GEMIN8: variants seen among roughly 807,000 people sequenced by gnomAD.
GEMIN8 encodes the protein gem-associated protein 8.
For missense variants in GEMIN8, 185 were observed against 205.9 expected, an observed-to-expected ratio of 0.90 and a Z score of 0.62; for synonymous variants, 80 against 78.5, an observed-to-expected ratio of 1.02 and a Z score of -0.10.
In GEMIN8 at chrX:14,019,735, G is replaced by A. The variant is rs761651423; in HGVS notation, c.472+343C>T. 3.6e-5 allele frequency among the ~76,000 whole-genome samples: 4 copies of A among 111,615 alleles called. No homozygotes were observed. In the South Asian group the frequency reaches 1.5e-3, roughly 42 times the overall value. On this transcript the variant is annotated intron_variant, in intron 4 of 4. Coordinates refer to ENST00000680255, the MANE Select transcript of GEMIN8 (RefSeq NM_001042479.2). ...TTCACTTTCCTCATATATAAAATGA[G>A]TTTAATACTCTGAGGGACTGCTGTG...
At chrX:13,987,829 C>T in the GEMIN8 span, among the ~76,000 whole-genome samples, 1 of 111,871 alleles carries the variant, frequency 8.9e-6, no homozygotes, top group East Asian at 2.8e-4. Context: ...TGGAAGTAGA[C>T]AGGCTAATTC....
chrX:14,014,035 T>A, intron 4 of GEMIN8: 2 of 745,025 alleles, frequency 2.7e-6, no homozygotes, highest in Non-Finnish European at 3.2e-6. Context: ...AAAAAAAAAA[T>A]CATGGAAAGT....
At chrX:14,013,046 T>C (rs1923669798) in intron 4 of GEMIN8, among the ~76,000 whole-genome samples, 2 of 112,598 alleles carry the variant, frequency 1.8e-5, no homozygotes, top group African/African-American at 6.5e-5. Context: ...GTGAAAGTAC[T>C]TTAGCGTGTA....
the GEMIN8 span, among the ~76,000 whole-genome samples, chrX:13,994,133 C>T: frequency 8.9e-6 from 1 of 111,864 alleles, no homozygotes; most frequent in African/African-American, 3.3e-5. Flanking sequence ...ATGGCTGGGC[C>T]CCGATGACCA....
chrX:14,008,871 C>A lies in GEMIN8; in HGVS notation c.*42G>T. 1 of 1,167,430 alleles carries A rather than the reference C, an allele frequency of 8.6e-7. No homozygotes were observed. ...AGAAGGAGAGATAAAGAGCGTGTACCCAAAAGGAAGAAGGAGAGGCTGGGT... is the reference window on the plus strand; with the variant it reads ...AGAAGGAGAGATAAAGAGCGTGTACACAAAAGGAAGAAGGAGAGGCTGGGT... On this transcript the variant is annotated 3_prime_UTR_variant, in exon 5 of 5. Transcript: ENST00000680255.
the GEMIN8 span, among the ~76,000 whole-genome samples, chrX:13,988,240 C>T: frequency 9.0e-6 from 1 of 111,515 alleles, no homozygotes; most frequent in Non-Finnish European, 1.9e-5. Flanking sequence ...TACTTGCGCA[C>T]GTACAACTGC....
chrX:14,027,491 C>A (rs1168030093), intron 1 of GEMIN8, among the ~76,000 whole-genome samples: 1 of 112,806 alleles, frequency 8.9e-6, no homozygotes, highest in Non-Finnish European at 1.9e-5. Context: ...TCTATAATAG[C>A]TACAGTTAAA....
chrX:14,009,130 T>C lies in GEMIN8; in HGVS notation c.512A>G (p.Tyr171Cys). Residue 171 changes from tyrosine to cysteine, a missense_variant, in exon 5 of 5, where the codon TAT (tyrosine) becomes TGT (cysteine). Physicochemically the swap from Tyr to Cys is radical, Grantham distance 194. Transcript: ENST00000680255. ...GTACAGGTCGTGGTCAGCGTTCACA[T>C]AGCTGTCCAGGCGCTCTGCATCCAG... Reference protein sequence around the residue: ...QQLDAERLDSYVNADHDLYCN... With the variant: ...QQLDAERLDSCVNADHDLYCN... 1.7e-6 allele frequency: 2 copies of C among 1,210,196 alleles called. No homozygotes were observed. Among genetic ancestry groups the C allele is most frequent in the Non-Finnish European group, 2.2e-6 (2 of 893,817 alleles).
the GEMIN8 span, among the ~76,000 whole-genome samples, chrX:14,000,030 C>T: frequency 1.8e-5 from 2 of 111,321 alleles, no homozygotes; most frequent in African/African-American, 6.5e-5. Context: ...GAGAGTGAGG[C>T]ATGGTGGCTC....
chrX:14,002,362 GAT>G (rs1569341804), downstream of GEMIN8, among the ~76,000 whole-genome samples: 2 of 108,578 alleles, frequency 1.8e-5, no homozygotes, highest in African/African-American at 6.6e-5. Flanking sequence ...TAGATAGATA[GAT>G]AGATAGATAA....
Position 14,006,908 on chromosome X carries a change from G to A in GEMIN8, c.*2005C>T, listed in dbSNP as rs1197717194. Among the ~76,000 whole-genome samples, 5 of 111,487 alleles carry A rather than the reference G, an allele frequency of 4.5e-5. No homozygotes were observed. The highest frequency in any genetic ancestry group is 9.8e-5 in the African/African-American group (3 of 30,655). On this transcript the variant is annotated 3_prime_UTR_variant, in exon 5 of 5. Coordinates refer to ENST00000680255, the MANE Select transcript of GEMIN8 (RefSeq NM_001042479.2). ...TAACAAAGCCAGTAGGGGTGAGACC[G>A]GCATGGTGATTTCTTTAGGGGAGGG...
intron 2 of GEMIN8, among the ~76,000 whole-genome samples, chrX:14,023,251 T>A (rs1424174990): frequency 8.9e-6 from 1 of 112,558 alleles, no homozygotes; most frequent in Non-Finnish European, 1.9e-5. Context: ...TAAAAGTTAA[T>A]ACTTAGGTGG....
the GEMIN8 span, among the ~76,000 whole-genome samples, chrX:13,994,257 C>T: frequency 9.0e-5 from 10 of 111,660 alleles, no homozygotes; most frequent in Admixed American, 6.7e-4. Context: ...AACACACAGC[C>T]GTATTTTCTG....
the GEMIN8 span, among the ~76,000 whole-genome samples, chrX:13,985,512 C>T: frequency 7.1e-5 from 8 of 112,083 alleles, no homozygotes; most frequent in African/African-American, 1.6e-4. Flanking sequence ...GACTTCCTTA[C>T]GTTCTTAATA....
chrX:13,987,446 C>T, the GEMIN8 span, among the ~76,000 whole-genome samples: 1 of 111,278 alleles, frequency 9.0e-6, no homozygotes, highest in Non-Finnish European at 1.9e-5. Context: ...GTCCTCTGTT[C>T]ACTTCTGCAT....
chrX:14,011,867 A>T (rs1344009901), intron 4 of GEMIN8, among the ~76,000 whole-genome samples: 1 of 110,674 alleles, frequency 9.0e-6, no homozygotes, highest in African/African-American at 3.3e-5. Flanking sequence ...ATAATTTAAA[A>T]TGTTTGTAAC....
downstream of GEMIN8, among the ~76,000 whole-genome samples, chrX:14,002,207 T>C (rs763498547): frequency 7.3e-5 from 8 of 109,110 alleles, no homozygotes; most frequent in Non-Finnish European, 1.3e-4. Context: ...TGTCTTTTAA[T>C]ATACTGGTCT....
At chrX:14,002,097 CAAAA>C (rs59550732), downstream of GEMIN8, among the ~76,000 whole-genome samples, 2 of 23,641 alleles carry the variant, frequency 8.5e-5, no homozygotes, top group African/African-American at 3.5e-4. Flanking sequence ...TGCACTCCAG[CAAAA>C]AAAAAAAAAA....
chrX:13,996,850 C>T, the GEMIN8 span, among the ~76,000 whole-genome samples: 1,295 of 110,170 alleles, frequency 0.012, 20 homozygotes, highest in African/African-American at 0.04. Context: ...TGGGCTTGGC[C>T]ATGTGATCTG....
Sources: allele counts gnomAD v4.1 joint callset (sites outside exome capture counted in the v4.1 genomes callset), GRCh38; gene constraint gnomAD v4.1.1; transcripts MANE v1.5; gene names NCBI Gene and HGNC (gene_info 2026-07-23, HGNC 2026-07-21).